Variants in BCAS3 observed in about 807,000 individuals in gnomAD.
The protein encoded by BCAS3 is BCAS3 microtubule associated cell migration factor, also known as BCAS4/BCAS3 fusion.
In BCAS3, 53 loss-of-function variants were observed where a neutral mutation model predicts 116.1. The ratio of observed to expected loss-of-function variants is 0.46; its 90% confidence interval spans 0.37 to 0.57. The LOEUF (loss-of-function observed/expected upper bound fraction) is 0.57, where lower values mean the gene tolerates loss of function less well. BCAS3 is among the 20% of genes least tolerant of loss of function. The pLI, the probability that BCAS3 is intolerant of heterozygous loss-of-function variation, is 0.00. For synonymous variants in BCAS3, 391 were observed against 408.2 expected, an observed-to-expected ratio of 0.96 and a Z score of 0.51; for missense variants, 917 against 1,165.4, an observed-to-expected ratio of 0.79 and a Z score of 3.10.
At chr17:61,306,442 A>T (rs1038932781) in intron 22 of BCAS3, among the ~76,000 whole-genome samples, 3 of 152,230 alleles carry the variant, frequency 2.0e-5, no homozygotes, top group Non-Finnish European at 4.4e-5. Flanking sequence ...AGAAGTGGAA[A>T]GTACTCAATA....
intron 7 of BCAS3, among the ~76,000 whole-genome samples, chr17:60,867,114 G>GT (rs11396196): frequency 0.075 from 10,572 of 140,972 alleles, 1,117 homozygotes; most frequent in African/African-American, 0.24. Context: ...TTTTGTTTTT[G>GT]TTTTTTTTTT....
rs991804420 is a variant in BCAS3, at chr17:61,348,816, G to T, written c.2426-19511G>T. 9.1e-5 allele frequency among the ~76,000 whole-genome samples: 13 copies of T among 143,570 alleles called. No homozygotes were observed. The highest frequency in any genetic ancestry group is 3.3e-4 in the African/African-American group (13 of 39,052). The allele number at this position is 143,570 out of a possible 152,430, so 94.2% of individuals were successfully genotyped here. ...CGCCGAGGCTGGAGTGCAGTGGCATGATACCGGCTCACTGCAAGCTCCGCC... is the reference window on the plus strand; with the variant it reads ...CGCCGAGGCTGGAGTGCAGTGGCATTATACCGGCTCACTGCAAGCTCCGCC... On this transcript the variant is annotated intron_variant, in intron 22 of 23. Transcript: ENST00000407086. This position sits in a 1 kb window ranked among gnomAD's most constrained non-coding sequence, Gnocchi z 4.5.
chr17:60,920,824 C>G (rs1177261341), intron 12 of BCAS3, among the ~76,000 whole-genome samples: 1 of 151,922 alleles, frequency 6.6e-6, no homozygotes, highest in Non-Finnish European at 1.5e-5. Flanking sequence ...GAACCGAGAT[C>G]ATGCCACTGC....
chr17:60,787,951 A>G (rs956201926), intron 6 of BCAS3, among the ~76,000 whole-genome samples: 1 of 152,074 alleles, frequency 6.6e-6, no homozygotes, highest in African/African-American at 2.4e-5. Flanking sequence ...GTTAAAAAAA[A>G]AGATGAATGG....
Position 61,356,232 on chromosome 17 carries a change from G to A in BCAS3, c.2426-12095G>A, listed in dbSNP as rs970949164. ...TGGTCTCGAACTCCTGACCTCAGGTGATCCACACGCCTCGGCCTCCCAAAG... is the reference window on the plus strand; with the variant it reads ...TGGTCTCGAACTCCTGACCTCAGGTAATCCACACGCCTCGGCCTCCCAAAG... On this transcript the variant is annotated intron_variant, in intron 22 of 23. Coordinates refer to ENST00000407086, the MANE Select transcript of BCAS3 (RefSeq NM_017679.5). This position sits in a 1 kb window ranked among gnomAD's most constrained non-coding sequence, Gnocchi z 5.4. Among the ~76,000 whole-genome samples, 2 of 152,198 alleles carry A rather than the reference G, an allele frequency of 1.3e-5. No individual in the cohort carries two copies. The highest frequency in any genetic ancestry group is 2.9e-5 in the Non-Finnish European group (2 of 68,028).
At chr17:61,301,674 A>G (rs1488692960) in intron 22 of BCAS3, among the ~76,000 whole-genome samples, 1 of 152,208 alleles carries the variant, frequency 6.6e-6, no homozygotes, top group Non-Finnish European at 1.5e-5. Flanking sequence ...TTACAGCCAC[A>G]GGTTGCTAAC....
At chr17:61,212,007 A>G (rs2081487680) in intron 22 of BCAS3, among the ~76,000 whole-genome samples, 1 of 152,228 alleles carries the variant, frequency 6.6e-6, no homozygotes, top group Admixed American at 6.5e-5. Context: ...GAAGAGTTGC[A>G]AATAATCTTT....
Position 61,041,882 on chromosome 17 carries a change from G to A in BCAS3, c.2029+990G>A, listed in dbSNP as rs568519691. ...GGCATTTTTATTGAGTGCCTACTAT[G>A]TGTGAGGCAGTTCTGATTTAAAGGT... On this transcript the variant is annotated intron_variant, in intron 19 of 23. Coordinates refer to ENST00000407086, the MANE Select transcript of BCAS3 (RefSeq NM_017679.5). This position sits in a 1 kb window ranked among gnomAD's most constrained non-coding sequence, Gnocchi z 4.7. 5.3e-5 allele frequency among the ~76,000 whole-genome samples: 8 copies of A among 152,098 alleles called. No individual in the cohort carries two copies. The highest frequency in any genetic ancestry group is 1.9e-4 in the African/African-American group (8 of 41,546).
At chr17:61,014,650 GAA>G (rs879941979) in intron 15 of BCAS3, among the ~76,000 whole-genome samples, 1 of 141,968 alleles carries the variant, frequency 7.0e-6, no homozygotes. Context: ...CAGTGAGGAG[GAA>G]AAAAAAAAAG....
intron 22 of BCAS3, among the ~76,000 whole-genome samples, chr17:61,268,667 C>T (rs1339868831): frequency 6.6e-6 from 1 of 152,034 alleles, no homozygotes; most frequent in Non-Finnish European, 1.5e-5. Flanking sequence ...ATGCAATTCT[C>T]ATGCCTCAGC....
Position 60,889,744 on chromosome 17 carries a change from C to T in BCAS3, c.711C>T (p.Ser237=), listed in dbSNP as rs750321035. 1 of 1,613,222 alleles carries T rather than the reference C, an allele frequency of 6.2e-7. No individual in the cohort carries two copies. The highest frequency in any genetic ancestry group is 2.2e-5 in the East Asian group (1 of 44,868). ...GPNMNPIALG[S]RWLAYAENKL... ...ACATGAATCCTATTGCTCTTGGGAG[C>T]CGCTGGCTTGCTTATGCAGAAAACA... The change falls in exon 10 of 24, where the codon AGC becomes AGT. Residue 237 remains serine (S), a synonymous_variant. Transcript: ENST00000407086.
At position 61,130,182 on chromosome 17, in the gene BCAS3, T is replaced by C. The variant is rs1044925718; in HGVS notation, c.2425+45618T>C. Among the ~76,000 whole-genome samples, 1 of 152,232 alleles carries C rather than the reference T, an allele frequency of 6.6e-6. No individual in the cohort carries two copies. Among genetic ancestry groups the C allele is most frequent in the Non-Finnish European group, 1.5e-5 (1 of 68,040 alleles). ...CCCACTTTCACCTTAACTGAGTTTATGTGACTAATTTTAAATTTACTGTAA... is the reference window on the plus strand; with the variant it reads ...CCCACTTTCACCTTAACTGAGTTTACGTGACTAATTTTAAATTTACTGTAA... On this transcript the variant is annotated intron_variant, in intron 22 of 23. Transcript: ENST00000407086. The surrounding 1 kb of genome is among the most constrained non-coding windows in gnomAD (Gnocchi z 5.0).
chr17:61,039,692 A>G (rs1462123673), intron 18 of BCAS3, among the ~76,000 whole-genome samples: 10 of 152,190 alleles, frequency 6.6e-5, no homozygotes, highest in African/African-American at 9.7e-5. Context: ...AAGTGCTGGG[A>G]TTACAGGCGT....
intron 6 of BCAS3, among the ~76,000 whole-genome samples, chr17:60,799,708 C>CT (rs67510415): frequency 0.015 from 753 of 49,870 alleles, 91 homozygotes; most frequent in African/African-American, 0.044. Context: ...TTTTTCTTTT[C>CT]TTTTTTTTTT....
At chr17:60,790,757 T>C (rs2046695443) in intron 6 of BCAS3, among the ~76,000 whole-genome samples, 1 of 149,260 alleles carries the variant, frequency 6.7e-6, no homozygotes, top group Admixed American at 6.6e-5. Context: ...TTTTTTTTTT[T>C]TTTTGAGATA....
chr17:61,221,527 G>A (rs1233232355), intron 22 of BCAS3, among the ~76,000 whole-genome samples: 2 of 152,154 alleles, frequency 1.3e-5, no homozygotes, highest in South Asian at 2.1e-4. Flanking sequence ...TGATTATCAC[G>A]ATTGGAAGAA....
intron 12 of BCAS3, among the ~76,000 whole-genome samples, chr17:60,923,262 CTTG>C (rs750074673): frequency 1.1e-4 from 16 of 152,142 alleles, no homozygotes; most frequent in Non-Finnish European, 1.9e-4. Flanking sequence ...TTTATGATGG[CTTG>C]TTGTTTATGA....
chr17:60,749,937 G>A (rs977040291), intron 6 of BCAS3, among the ~76,000 whole-genome samples: 2 of 152,226 alleles, frequency 1.3e-5, no homozygotes. Context: ...GGAGGCTGAG[G>A]CAGGTGGATC....
chr17:61,360,068 G>T (rs769194776), intron 22 of BCAS3, among the ~76,000 whole-genome samples: 30 of 150,810 alleles, frequency 2.0e-4, no homozygotes, highest in Non-Finnish European at 3.4e-4. Flanking sequence ...GTGCAGTGGC[G>T]CAGCCTCGGC....
Sources: allele counts gnomAD v4.1 joint callset (sites outside exome capture counted in the v4.1 genomes callset), GRCh38; gene constraint gnomAD v4.1.1; non-coding constraint Gnocchi (gnomAD v3.1); transcripts MANE v1.5; gene names NCBI Gene and HGNC (gene_info 2026-07-23, HGNC 2026-07-21).